TNR: variants seen among roughly 807,000 people sequenced by gnomAD.
TNR encodes the protein tenascin-R.
Under a neutral mutation model 150.4 loss-of-function variants are expected in TNR, and 45 were observed. The observed-to-expected ratio is 0.30, with a 90% CI of 0.24 to 0.38. The LOEUF (loss-of-function observed/expected upper bound fraction) is 0.38. TNR is among the 10% of genes least tolerant of loss of function. TNR has a pLI of 1.00. For synonymous variants in TNR, 687 were observed against 678.4 expected (o/e 1.01, Z -0.20); for missense variants, 1,544 against 1,759.1 (o/e 0.88, Z 2.19).
Position 175,584,129 on chromosome 1 carries a change from A to C in TNR, c.-164-55760T>G, listed in dbSNP as rs560455536. ...AAGTTCTAATCCCCAATGCCTCAGA[A>C]TGTGACCCCATTTGGAGACAGGATT... On this transcript the variant is annotated intron_variant, in intron 1 of 22. Transcript: ENST00000367674. Among the ~76,000 whole-genome samples, 3 of 152,322 alleles carry C rather than the reference A, an allele frequency of 2.0e-5. No individual in the cohort carries two copies. The East Asian group carries it at 5.8e-4, about 29-fold the overall frequency.
intron 2 of TNR, among the ~76,000 whole-genome samples, chr1:175,526,619 G>T (rs56868868): frequency 5.7e-4 from 87 of 152,334 alleles, no homozygotes; most frequent in African/African-American, 1.9e-3. Context: ...TTGGCAAGAA[G>T]CTGAAAACCT....
At chr1:175,345,018 G>A (rs554511861) in intron 18 of TNR, among the ~76,000 whole-genome samples, 1 of 151,976 alleles carries the variant, frequency 6.6e-6, no homozygotes, top group Admixed American at 6.6e-5. Context: ...TGAGGCAGGA[G>A]AATCTCTTGA....
intron 1 of TNR, among the ~76,000 whole-genome samples, chr1:175,681,749 T>C (rs1480485771): frequency 6.6e-6 from 1 of 151,994 alleles, no homozygotes; most frequent in Non-Finnish European, 1.5e-5. Flanking sequence ...GAATCACAGA[T>C]TGAGCAACTG....
intron 1 of TNR, among the ~76,000 whole-genome samples, chr1:175,681,505 T>C (rs1015360182): frequency 1.8e-4 from 28 of 152,284 alleles, no homozygotes; most frequent in Admixed American, 1.6e-3. Context: ...TGCTGCGACT[T>C]GCCCCATTGA....
At chr1:175,540,417 A>C (rs1660457024) in intron 1 of TNR, among the ~76,000 whole-genome samples, 1 of 152,160 alleles carries the variant, frequency 6.6e-6, no homozygotes, top group Admixed American at 6.5e-5. Context: ...GAGAAGGGAA[A>C]GGTTTTCAAT....
intron 1 of TNR, among the ~76,000 whole-genome samples, chr1:175,549,646 T>C (rs1474636371): frequency 1.3e-5 from 2 of 152,190 alleles, no homozygotes; most frequent in African/African-American, 4.8e-5. Flanking sequence ...TTTCAGCTTG[T>C]TGCAGAGAGG....
At chr1:175,454,935 A>T in intron 2 of TNR, among the ~76,000 whole-genome samples, 1 of 152,152 alleles carries the variant, frequency 6.6e-6, no homozygotes, top group African/African-American at 2.4e-5. Context: ...CTTCCTCTTG[A>T]ATCTGAGCAG....
At chr1:175,417,412 C>G (rs1654547071) in intron 2 of TNR, among the ~76,000 whole-genome samples, 1 of 152,054 alleles carries the variant, frequency 6.6e-6, no homozygotes, top group Non-Finnish European at 1.5e-5. Context: ...GGAAGTATGG[C>G]TGCTGAAGGG....
rs1007571856 is a variant in TNR at position 175,599,254 on chromosome 1, C to T, written c.-164-70885G>A. On this transcript the variant is annotated intron_variant, in intron 1 of 22. Coordinates refer to ENST00000367674, the MANE Select transcript of TNR (RefSeq NM_003285.3). The surrounding 1 kb of genome is among the most constrained non-coding windows in gnomAD (Gnocchi z 4.7). The stretch of plus-strand genomic sequence containing the variant: ...CCTTGGCCACCTCGGGTCACCGCTC[C>T]TCCCTTTCAGGCGCCCGGGTTTGCC... Among the ~76,000 whole-genome samples the T allele has an allele frequency of 4.6e-5, 7 of 152,220 alleles. No homozygotes were observed. The highest frequency in any genetic ancestry group is 1.7e-4 in the African/African-American group (7 of 41,460).
intron 2 of TNR, among the ~76,000 whole-genome samples, chr1:175,422,224 A>T (rs577070082): frequency 4.0e-4 from 61 of 152,358 alleles, no homozygotes; most frequent in African/African-American, 1.3e-3. Context: ...GAGCTCCAGC[A>T]GAACTTGTTT....
At chr1:175,469,020 G>T (rs1657158128) in intron 2 of TNR, among the ~76,000 whole-genome samples, 1 of 152,140 alleles carries the variant, frequency 6.6e-6, no homozygotes, top group East Asian at 1.9e-4. Context: ...AAATAGGCCT[G>T]AGGGAGGAGT....
rs116789140 is a variant in TNR at position 175,611,020 on chromosome 1, G to A, written c.-164-82651C>T. Among the ~76,000 whole-genome samples, 634 of 152,334 alleles carry A rather than the reference G, an allele frequency of 4.2e-3. 4 individuals carry two copies. Among genetic ancestry groups the A allele is most frequent in the Non-Finnish European group, 3.6e-3 (246 of 68,026 alleles). On this transcript the variant is annotated intron_variant, in intron 1 of 22. Transcript: ENST00000367674. ...GGGAAATCTAACCTGTCCGGATGCT[G>A]TTGCCTACCTTCTACTTTAAAAGTT... is the stretch of plus-strand genomic sequence containing the variant.
At position 175,663,011 on chromosome 1, in the gene TNR, G is replaced by T. The variant is rs551714463; in HGVS notation, c.-165+80215C>A. On this transcript the variant is annotated intron_variant, in intron 1 of 22. Transcript: ENST00000367674. ...GTCTACCTCACTGATTTGTTGAAAGGATTACACGAGATAATTCATGTAACA... is the reference window on the plus strand; with the variant it reads ...GTCTACCTCACTGATTTGTTGAAAGTATTACACGAGATAATTCATGTAACA... 2.0e-5 allele frequency among the ~76,000 whole-genome samples: 3 copies of T among 152,256 alleles called. No individual in the cohort carries two copies. In the South Asian group the frequency reaches 6.2e-4, roughly 32 times the overall value.
At position 175,605,304 on chromosome 1, in the gene TNR, A is replaced by G. The variant is rs1023900887; in HGVS notation, c.-164-76935T>C. Among the ~76,000 whole-genome samples, 9 of 152,332 alleles carry G rather than the reference A, an allele frequency of 5.9e-5. No individual in the cohort carries two copies. The East Asian group carries it at 1.7e-3, about 29-fold the overall frequency. ...ATTTTCTTATCTGCAAAATGGTTAT[A>G]CCTATCTCACTGTTGAGAGGTTTGT... On this transcript the variant is annotated intron_variant, in intron 1 of 22. Transcript: ENST00000367674.
chr1:175,648,705 G>A (rs1452703228), intron 1 of TNR, among the ~76,000 whole-genome samples: 6 of 152,024 alleles, frequency 3.9e-5, no homozygotes, highest in Non-Finnish European at 8.8e-5. Context: ...GTAACAAAAT[G>A]TCTCCCGCTT....
chr1:175,406,413 T>C lies in TNR; in HGVS notation c.302A>G (p.Tyr101Cys). 1 of 1,614,188 alleles carries C rather than the reference T, an allele frequency of 6.2e-7. No homozygotes were observed. ...VSAEDETLAEYMGQTSDHESQ... is the reference protein window; with the variant it reads ...VSAEDETLAECMGQTSDHESQ... ...CTCGTGGTCTGAGGTCTGGCCCATG[T>C]ACTCTGCCAGAGTCTCGTCTTCTGC... Residue 101 changes from tyrosine to cysteine, a missense_variant, in exon 3 of 23, where the codon TAC (tyrosine) becomes TGC (cysteine). Tyr to Cys is a radical substitution (Grantham distance 194, BLOSUM62 -2). Coordinates refer to ENST00000367674, the MANE Select transcript of TNR (RefSeq NM_003285.3).
chr1:175,512,003 C>G (rs1659197319), intron 2 of TNR, among the ~76,000 whole-genome samples: 1 of 152,138 alleles, frequency 6.6e-6, no homozygotes, highest in South Asian at 2.1e-4. Flanking sequence ...GGTGCTACAG[C>G]TATAGGATGA....
chr1:175,564,849 G>A (rs1661577440), intron 1 of TNR, among the ~76,000 whole-genome samples: 1 of 152,134 alleles, frequency 6.6e-6, no homozygotes, highest in Admixed American at 6.6e-5. Context: ...TTCTTGTTCT[G>A]CCCTTGGCTC....
chr1:175,446,963 C>A (rs1166781730), intron 2 of TNR, among the ~76,000 whole-genome samples: 1 of 151,934 alleles, frequency 6.6e-6, no homozygotes, highest in Non-Finnish European at 1.5e-5. Flanking sequence ...CAAATGTGTA[C>A]GTGTGTATGT....
Sources: allele counts gnomAD v4.1 joint callset (sites outside exome capture counted in the v4.1 genomes callset), GRCh38; gene constraint gnomAD v4.1.1; non-coding constraint Gnocchi (gnomAD v3.1); transcripts MANE v1.5; gene names NCBI Gene and HGNC (gene_info 2026-07-23, HGNC 2026-07-21).